The following AGBL4 variants were observed in gnomAD, a reference collection of about 807,000 sequenced individuals.
The protein encoded by AGBL4 is AGBL carboxypeptidase 4.
AGBL4 carries 58 observed loss-of-function variants against 66.4 expected under a neutral mutation model. That is an observed-to-expected ratio of 0.87 (90% confidence interval 0.71 to 1.09). The LOEUF (loss-of-function observed/expected upper bound fraction) is 1.09. Ranked by LOEUF, AGBL4 falls within the 50% of genes least tolerant of loss-of-function variation. AGBL4 has a pLI of 0.00. For synonymous variants in AGBL4, 234 were observed against 222.9 expected, an observed-to-expected ratio of 1.05 and a Z score of -0.44; for missense variants, 579 against 631.0, an observed-to-expected ratio of 0.92 and a Z score of 0.88.
intron 1 of AGBL4, among the ~76,000 whole-genome samples, chr1:50,008,598 T>C (rs2148431979): frequency 6.6e-6 from 1 of 151,318 alleles, no homozygotes; most frequent in South Asian, 2.1e-4. Flanking sequence ...GCATCTTAAA[T>C]AACTAGAAAA....
chr1:49,886,447 T>C (rs1465084898), intron 1 of AGBL4, among the ~76,000 whole-genome samples: 1 of 152,208 alleles, frequency 6.6e-6, no homozygotes, highest in East Asian at 1.9e-4. Flanking sequence ...TATGATATGC[T>C]AAGAAGGTTA....
intron 1 of AGBL4, among the ~76,000 whole-genome samples, chr1:49,867,949 C>T (rs1373895537): frequency 2.0e-5 from 3 of 152,116 alleles, no homozygotes; most frequent in African/African-American, 4.8e-5. Flanking sequence ...ACTCAAGACT[C>T]TTTGGTGTGC....
intron 1 of AGBL4, among the ~76,000 whole-genome samples, chr1:49,947,543 C>T (rs1276483074): frequency 3.3e-5 from 5 of 151,426 alleles, no homozygotes; most frequent in Admixed American, 6.6e-5. Context: ...GGACATATCT[C>T]GTTGTAAAAA....
intron 6 of AGBL4, among the ~76,000 whole-genome samples, chr1:48,747,260 G>T (rs1399013597): frequency 6.6e-6 from 1 of 152,134 alleles, no homozygotes; most frequent in Non-Finnish European, 1.5e-5. Flanking sequence ...TTAAAAAAGG[G>T]CTTTGATCCA....
chr1:49,507,377 A>T (rs1370538646), intron 3 of AGBL4, among the ~76,000 whole-genome samples: 1 of 151,910 alleles, frequency 6.6e-6, no homozygotes, highest in African/African-American at 2.4e-5. Flanking sequence ...AGTCAATCTC[A>T]TGAACAGACT....
chr1:49,606,716 G>A (rs969103179), intron 3 of AGBL4, among the ~76,000 whole-genome samples: 3 of 152,096 alleles, frequency 2.0e-5, no homozygotes, highest in Non-Finnish European at 2.9e-5. Flanking sequence ...TCAGAAAGGT[G>A]AGGTGATATA....
intron 1 of AGBL4, among the ~76,000 whole-genome samples, chr1:49,996,650 T>C (rs1031053792): frequency 6.6e-6 from 1 of 152,074 alleles, no homozygotes; most frequent in Non-Finnish European, 1.5e-5. Context: ...GAGAAAATAA[T>C]TGAAGAAAAC....
intron 6 of AGBL4, among the ~76,000 whole-genome samples, chr1:48,797,758 G>A (rs1645722857): frequency 6.6e-6 from 1 of 152,108 alleles, no homozygotes; most frequent in African/African-American, 2.4e-5. Context: ...TGTTGGCCAG[G>A]CTGGACTTGA....
intron 2 of AGBL4, among the ~76,000 whole-genome samples, chr1:49,736,046 C>T (rs1212672209): frequency 1.3e-5 from 2 of 151,808 alleles, no homozygotes; most frequent in African/African-American, 2.4e-5. Flanking sequence ...CTTTGGGAAA[C>T]CATCAAGCAC....
intron 1 of AGBL4, among the ~76,000 whole-genome samples, chr1:49,966,035 G>A (rs974734500): frequency 1.3e-5 from 2 of 150,120 alleles, no homozygotes; most frequent in Non-Finnish European, 2.9e-5. Context: ...TCTGCCTTCC[G>A]GGTTCACGCC....
chr1:48,712,228 A>C (rs574896492), intron 6 of AGBL4, among the ~76,000 whole-genome samples: 4 of 152,232 alleles, frequency 2.6e-5, no homozygotes, highest in African/African-American at 7.2e-5. Context: ...CTGTTCCACA[A>C]ACCTGTGTTG....
chr1:48,909,990 A>G (rs1361393327), intron 5 of AGBL4, among the ~76,000 whole-genome samples: 1 of 152,168 alleles, frequency 6.6e-6, no homozygotes, highest in Non-Finnish European at 1.5e-5. Flanking sequence ...TATTGTGACA[A>G]AGATTTGGAC....
At chr1:49,270,510 T>C (rs1644033586) in intron 3 of AGBL4, among the ~76,000 whole-genome samples, 1 of 152,112 alleles carries the variant, frequency 6.6e-6, no homozygotes, top group African/African-American at 2.4e-5. Flanking sequence ...AGGCTCTACA[T>C]GGTGTTACAA....
At chr1:48,761,258 AG>A in intron 6 of AGBL4, 1 of 1,407,498 alleles carries the variant, frequency 7.1e-7, no homozygotes, top group Non-Finnish European at 9.5e-7. Context: ...GGGGAGAGGA[AG>A]CCAGACTGAA....
chr1:49,711,460 T>C (rs1441002674), intron 2 of AGBL4, among the ~76,000 whole-genome samples: 3 of 152,050 alleles, frequency 2.0e-5, no homozygotes, highest in East Asian at 1.9e-4. Context: ...AATCATTATG[T>C]CAAAATAAAA....
At chr1:49,828,622 G>T (rs780480759) in intron 2 of AGBL4, among the ~76,000 whole-genome samples, 12 of 152,208 alleles carry the variant, frequency 7.9e-5, no homozygotes, top group Non-Finnish European at 1.3e-4. Context: ...TGATCACTTT[G>T]TAGTCAGGAT....
chr1:48,694,030 C>A (rs1260135893), intron 6 of AGBL4, among the ~76,000 whole-genome samples: 2 of 145,816 alleles, frequency 1.4e-5, no homozygotes, highest in African/African-American at 5.4e-5. Flanking sequence ...TGTCCCCTGA[C>A]CTGATTTTTT....
At chr1:49,988,336 A>G (rs536830681) in intron 1 of AGBL4, among the ~76,000 whole-genome samples, 1 of 152,200 alleles carries the variant, frequency 6.6e-6, no homozygotes, top group African/African-American at 2.4e-5. Flanking sequence ...AGGCAATTTC[A>G]TTTTGTTTGT....
intron 6 of AGBL4, among the ~76,000 whole-genome samples, chr1:48,733,926 C>T (rs72904827): frequency 0.02 from 3,056 of 152,200 alleles, 113 homozygotes; most frequent in African/African-American, 0.07. Flanking sequence ...GAAGGAGACA[C>T]ACAGCAGATG....
Sources: allele counts gnomAD v4.1 joint callset (sites outside exome capture counted in the v4.1 genomes callset), GRCh38; gene constraint gnomAD v4.1.1; transcripts MANE v1.5; gene names NCBI Gene and HGNC (gene_info 2026-07-23, HGNC 2026-07-21).